Variants in CLCN5 observed in about 807,000 individuals in gnomAD.
CLCN5 encodes the protein Cl-/H+ antiporter 5, also known as H(+)/Cl(-) exchange transporter 5.
In CLCN5, 17 loss-of-function variants were observed where a neutral mutation model predicts 54.0. The observed-to-expected ratio is 0.31, with a 90% confidence interval of 0.22 to 0.47. The LOEUF (loss-of-function observed/expected upper bound fraction) is 0.47. CLCN5 is among the 20% of genes least tolerant of loss of function. CLCN5 has a pLI of 1.00. For synonymous variants in CLCN5, 222 were observed against 233.0 expected, an observed-to-expected ratio of 0.95 and a Z score of 0.43; for missense variants, 448 against 646.7, an observed-to-expected ratio of 0.69 and a Z score of 3.33.
chrX:50,001,579 T>TA (rs1315848302), intron 3 of CLCN5, among the ~76,000 whole-genome samples: 1 of 106,123 alleles, frequency 9.4e-6, no homozygotes, highest in Non-Finnish European at 1.9e-5. Context: ...ACTTGTCATT[T>TA]ACATTAGGTA....
At chrX:50,067,759 A>G in intron 4 of CLCN5, 2 of 749,682 alleles carry the variant, frequency 2.7e-6, no homozygotes, top group Non-Finnish European at 3.1e-6. Flanking sequence ...CTGTGATTGA[A>G]GGTAAGCAGA....
chrX:50,034,646 A>G (rs1426591264), intron 3 of CLCN5, among the ~76,000 whole-genome samples: 1 of 111,414 alleles, frequency 9.0e-6, no homozygotes, highest in African/African-American at 3.3e-5. Flanking sequence ...GTTTTTGCCA[A>G]ATGGGTTAGT....
At chrX:50,082,088 G>A (rs1003585419) in intron 9 of CLCN5, among the ~76,000 whole-genome samples, 1 of 111,183 alleles carries the variant, frequency 9.0e-6, no homozygotes, top group East Asian at 2.8e-4. Flanking sequence ...CCATCAATAG[G>A]GAACTGATCT....
chrX:49,931,754 A>G (rs1160173445), intron 3 of CLCN5, among the ~76,000 whole-genome samples: 1 of 105,554 alleles, frequency 9.5e-6, no homozygotes, highest in Admixed American at 1.0e-4. Context: ...TTTTTGAGAC[A>G]GAGTTTTGCT....
At chrX:49,960,336 A>G (rs182208582) in intron 3 of CLCN5, among the ~76,000 whole-genome samples, 8 of 111,023 alleles carry the variant, frequency 7.2e-5, no homozygotes, top group Non-Finnish European at 5.7e-5. Flanking sequence ...GATTATATCC[A>G]TGACCAAACT....
At chrX:50,060,427 C>A (rs1217493015) in intron 4 of CLCN5, among the ~76,000 whole-genome samples, 1 of 108,372 alleles carries the variant, frequency 9.2e-6, no homozygotes, top group Non-Finnish European at 1.9e-5. Context: ...TCACTCCCAC[C>A]CGAATATTGC....
chrX:50,066,714 A>G lies in CLCN5; in HGVS notation c.164-3165A>G, dbSNP rs185658737. Among the ~76,000 whole-genome samples the G allele has an allele frequency of 3.5e-3, 389 of 112,211 alleles. 1 individual carries two copies. Among genetic ancestry groups the G allele is most frequent in the Non-Finnish European group, 4.8e-3 (258 of 53,243 alleles). On this transcript the variant is annotated intron_variant, in intron 4 of 14. Coordinates refer to ENST00000376091, the MANE Select transcript of CLCN5 (RefSeq NM_001127898.4). ...ATCATAGTGAATTTATTGTCAGGCT[A>G]AAATAGCTACTTTCATCCAGGTTGG... is the stretch of plus-strand genomic sequence containing the variant.
chrX:50,091,228 A>G (rs1359451606), intron 14 of CLCN5, among the ~76,000 whole-genome samples: 2 of 111,679 alleles, frequency 1.8e-5, no homozygotes, highest in African/African-American at 3.3e-5. Flanking sequence ...TGTTCCCTAC[A>G]ATCTCCTTAT....
intron 2 of CLCN5, among the ~76,000 whole-genome samples, chrX:49,924,350 G>A (rs1184402368): frequency 9.0e-6 from 1 of 111,207 alleles, no homozygotes; most frequent in African/African-American, 3.3e-5. Context: ...TGTATTTTTA[G>A]TAGAGACGGG....
intron 3 of CLCN5, among the ~76,000 whole-genome samples, chrX:49,942,105 T>C (rs1926373289): frequency 9.9e-6 from 1 of 101,322 alleles, no homozygotes; most frequent in Non-Finnish European, 2.0e-5. Context: ...ACTCAATAAA[T>C]TGAACACCAT....
At chrX:49,950,222 A>T (rs1172412034) in intron 3 of CLCN5, among the ~76,000 whole-genome samples, 1 of 111,948 alleles carries the variant, frequency 8.9e-6, no homozygotes, top group Non-Finnish European at 1.9e-5. Flanking sequence ...TTGGAATTTT[A>T]AATGGGTAAA....
intron 4 of CLCN5, among the ~76,000 whole-genome samples, chrX:50,060,400 G>T (rs1443295408): frequency 9.2e-6 from 1 of 108,561 alleles, no homozygotes; most frequent in East Asian, 2.9e-4. Flanking sequence ...GGTGACGGAC[G>T]CACCTGGAAA....
chrX:50,009,972 G>T (rs1557182265), intron 3 of CLCN5, among the ~76,000 whole-genome samples: 1 of 111,155 alleles, frequency 9.0e-6, no homozygotes, highest in Non-Finnish European at 1.9e-5. Flanking sequence ...CTTCGCCCCT[G>T]CCTTCCTGGA....
At chrX:49,985,934 A>T (rs1382868814) in intron 3 of CLCN5, among the ~76,000 whole-genome samples, 1 of 111,721 alleles carries the variant, frequency 9.0e-6, no homozygotes. Context: ...TACATTTTTA[A>T]CTTAGCAGTG....
intron 5 of CLCN5, among the ~76,000 whole-genome samples, chrX:50,070,970 ACTT>A (rs1421775945): frequency 3.6e-5 from 4 of 111,030 alleles, no homozygotes; most frequent in Non-Finnish European, 7.6e-5. Context: ...CTGGTGAGTC[ACTT>A]CTTCAACCCA....
chrX:50,027,023 T>TC (rs1931435829), intron 3 of CLCN5, among the ~76,000 whole-genome samples: 1 of 108,439 alleles, frequency 9.2e-6, no homozygotes, highest in African/African-American at 3.4e-5. Context: ...CTTTCTTTTT[T>TC]TTTTTTTTTG....
chrX:49,972,442 A>G (rs1267251666), intron 3 of CLCN5, among the ~76,000 whole-genome samples: 2 of 111,578 alleles, frequency 1.8e-5, no homozygotes, highest in African/African-American at 3.3e-5. Context: ...ATGTTTTTCT[A>G]CTGACAGACA....
At chrX:50,042,261 G>C (rs183862468) in intron 3 of CLCN5, 55 bp from the exon 4 acceptor site, 2 of 621,947 alleles carry the variant, frequency 3.2e-6, no homozygotes, top group African/African-American at 4.6e-5. Context: ...CAAATGTTAC[G>C]TGTAAGGGAC....
chrX:50,059,768 A>T (rs1164186593), intron 4 of CLCN5, among the ~76,000 whole-genome samples: 1 of 104,800 alleles, frequency 9.5e-6, no homozygotes, highest in Non-Finnish European at 2.0e-5. Flanking sequence ...TACATGGAAT[A>T]AAAAAAAAAG....
Sources: allele counts gnomAD v4.1 joint callset (sites outside exome capture counted in the v4.1 genomes callset), GRCh38; gene constraint gnomAD v4.1.1; transcripts MANE v1.5; gene names NCBI Gene and HGNC (gene_info 2026-07-23, HGNC 2026-07-21).